The following RECQL4 variants were observed in gnomAD, a reference collection of about 807,000 sequenced individuals.
The protein encoded by RECQL4 is RecQ like helicase 4.
Under a neutral mutation model 128.6 loss-of-function variants are expected in RECQL4, and 158 were observed. The observed-to-expected ratio is 1.23, with a 90% CI of 1.08 to 1.40. The LOEUF (loss-of-function observed/expected upper bound fraction) is 1.40. RECQL4 is among the 40% of genes most tolerant of loss of function. The pLI, the probability that RECQL4 is intolerant of heterozygous loss-of-function variation, is 0.00. For synonymous variants in RECQL4, 996 were observed against 678.9 expected, an observed-to-expected ratio of 1.47 and a Z score of -7.26; for missense variants, 2,293 against 1,649.8, an observed-to-expected ratio of 1.39 and a Z score of -6.75.
rs116137512 is a variant in RECQL4, at chr8:144,516,654, G to A, written c.465C>T (p.Val155=). Residue 155 remains valine, a synonymous_variant, in exon 5 of 21, where the codon GTC becomes GTT. Coordinates refer to ENST00000617875, the MANE Select transcript of RECQL4 (RefSeq NM_004260.4). ...TGPVPSFAEK[V]SDEPPQLPEP... ...CAGGGAGCTGTGGAGGCTCATCACT[G>A]ACTTTTTCTGCAAAGGAGGGGACAG... is the stretch of plus-strand genomic sequence containing the variant. The A allele has an allele frequency of 5.6e-6, 9 of 1,603,284 alleles. No individual in the cohort carries two copies. The African/African-American group carries it at 6.7e-5, about 12-fold the overall frequency.
chr8:144,512,119 C>G (rs1240575819), intron 18 of RECQL4, 25 bp downstream of exon 18: 2 of 1,601,116 alleles, frequency 1.2e-6, no homozygotes, highest in African/African-American at 2.7e-5. Flanking sequence ...TGGATGGTCC[C>G]AGGCCCCGCC....
rs750502856 is a variant in RECQL4 at position 144,516,337 on chromosome 8, T to C, written c.782A>G (p.Lys261Arg). 1.9e-6 allele frequency: 3 copies of C among 1,609,946 alleles called. No homozygotes were observed. Among genetic ancestry groups the C allele is most frequent in the South Asian group, 2.2e-5 (2 of 90,932 alleles). The change falls in exon 5 of 21, where the codon AAG becomes AGG. Residue 261 changes from lysine to arginine, a missense_variant. Lys to Arg is a conservative substitution (Grantham distance 26, BLOSUM62 2). Coordinates refer to ENST00000617875, the MANE Select transcript of RECQL4 (RefSeq NM_004260.4). The stretch of plus-strand genomic sequence containing the variant: ...CCAGGGCTCCTCGTTCCATCTCCGC[T>C]TCTCGCCTCCACTGCTGCTGGGCTG... ...SPQPSSSGGE[K>R]RRWNEEPWES...
rs1235649082 is a variant in RECQL4, at chr8:144,514,510, G to A, written c.1636C>T (p.Pro546Ser). 2.5e-6 allele frequency: 4 copies of A among 1,611,658 alleles called. No individual in the cohort carries two copies. Among genetic ancestry groups the A allele is most frequent in the Non-Finnish European group, 3.4e-6 (4 of 1,179,418 alleles). Residue 546 changes from proline to serine, a missense_variant, in exon 10 of 21, where the codon CCG becomes TCG. Pro to Ser is a moderately conservative substitution (Grantham distance 74, BLOSUM62 -1). Transcript: ENST00000617875. ...TGTATGCAGGCCGCCTTGAGACACGGTGGCAGGCCAGACACCTGCAAATGC... is the reference window on the plus strand; with the variant it reads ...TGTATGCAGGCCGCCTTGAGACACGATGGCAGGCCAGACACCTGCAAATGC... ...LMDDQVSGLP[P>S]CLKAACIHSG...
rs747963862 is a variant in RECQL4 at position 144,516,541 on chromosome 8, C to A, written c.578G>T (p.Arg193Leu). 7 of 1,609,926 alleles carry A rather than the reference C, an allele frequency of 4.3e-6. No individual in the cohort carries two copies. Among genetic ancestry groups the A allele is most frequent in the Non-Finnish European group, 5.9e-6 (7 of 1,179,136 alleles). The change falls in exon 5 of 21, where the codon CGA becomes CTA. Residue 193 changes from arginine (R) to leucine (L), a missense_variant. By Grantham distance (102) the Arg-to-Leu change is moderately radical. Coordinates refer to ENST00000617875, the MANE Select transcript of RECQL4 (RefSeq NM_004260.4). ...LGSLDPGWLQ[R>L]CHSEVPDFLG... is the part of the protein sequence containing the mutation. Reference sequence around the variant, plus strand: ...AAAATCTGGGACCTCACTGTGACATCGCTGTAACCAGCCAGGATCTAGGGA... The same window carrying A: ...AAAATCTGGGACCTCACTGTGACATAGCTGTAACCAGCCAGGATCTAGGGA...
chr8:144,513,725 G>A lies in RECQL4; in HGVS notation c.2059-13C>T, dbSNP rs756647466. The A allele has an allele frequency of 3.9e-5, 60 of 1,547,846 alleles. No individual in the cohort carries two copies. Among genetic ancestry groups the A allele is most frequent in the African/African-American group, 8.2e-5 (6 of 72,768 alleles). ...GCGTCAACAGTGCCTGATGAGGAGC[G>A]GTTGGCGTGGGCAGTGGGGAGTGAG... On this transcript the variant is annotated splice_polypyrimidine_tract_variant and intron_variant, in intron 12 of 20. Coordinates refer to ENST00000617875, the MANE Select transcript of RECQL4 (RefSeq NM_004260.4).
chr8:144,515,534 C>T (rs1430951222), intron 6 of RECQL4, 77 bp from the exon 7 acceptor site: 22 of 1,600,070 alleles, frequency 1.4e-5, no homozygotes, highest in Non-Finnish European at 1.9e-5. Context: ...TCTCCTTCCC[C>T]CAAAGGGGGT....
In RECQL4 at chr8:144,512,401, G is replaced by A. The variant is rs1158975362; in HGVS notation, c.3046C>T (p.Pro1016Ser). The A allele has an allele frequency of 1.2e-6, 2 of 1,607,366 alleles. No homozygotes were observed. Among genetic ancestry groups the A allele is most frequent in the Non-Finnish European group, 1.7e-6 (2 of 1,176,288 alleles). The stretch of plus-strand genomic sequence containing the variant: ...GTGGGGAGAGGCGCACCTGTCCTGG[G>A]CTCGTGGTCCCACTGCAGCTGGCAG... ...ALCQLQWDHE[P>S]RTGVRRGTGV... The change falls in exon 17 of 21, where the codon CCC (proline) becomes TCC (serine). Residue 1016 changes from proline to serine, a missense_variant. Coordinates refer to ENST00000617875, the MANE Select transcript of RECQL4 (RefSeq NM_004260.4).
chr8:144,515,955 G>C, intron 5 of RECQL4, 33 bp downstream of exon 5: 1 of 1,611,796 alleles, frequency 6.2e-7, no homozygotes, highest in South Asian at 1.1e-5. Context: ...GGGAGGGAAA[G>C]GGAATGCCTG....
At position 144,513,158 on chromosome 8, in the gene RECQL4, A is replaced by AG. The variant is rs1564794001; in HGVS notation, c.2464-21dup. On this transcript the variant is annotated intron_variant, in intron 14 of 20. Transcript: ENST00000617875. ...TTCGCCCTGCAGGGCAACTTTCATGAGGGTGGGGTGGACCACTGGGGGCTC... is the reference window on the plus strand; with the variant it reads ...TTCGCCCTGCAGGGCAACTTTCATGAGGGGTGGGGTGGACCACTGGGGGCTC... The AG allele has an allele frequency of 4.9e-6, 6 of 1,231,722 alleles. No homozygotes were observed. Among genetic ancestry groups the AG allele is most frequent in the Non-Finnish European group, 1.0e-6 (1 of 963,458 alleles). 76.3% of individuals were successfully genotyped at this position (1,231,722 alleles called of 1,614,324 possible). A position where few individuals can be genotyped will look rare whatever the true frequency, so the allele number is the denominator to read the frequency against.
Position 144,516,770 on chromosome 8 carries a change from A to G in RECQL4, c.355-6T>C. On this transcript the variant is annotated splice_polypyrimidine_tract_variant and splice_region_variant and intron_variant, in intron 4 of 20. Coordinates refer to ENST00000617875, the MANE Select transcript of RECQL4 (RefSeq NM_004260.4). ...CGGCCCAGGGCTGGTCCGGCCTGGG[A>G]GGGGAACAACAGAACAGCAGGAGGA... The G allele has an allele frequency of 6.6e-7, 1 of 1,518,166 alleles. No individual in the cohort carries two copies. The highest frequency in any genetic ancestry group is 8.8e-7 in the Non-Finnish European group (1 of 1,137,318). 94.0% of individuals were successfully genotyped at this position (1,518,166 alleles called of 1,614,324 possible).
Position 144,513,088 on chromosome 8 carries a change from G to A in RECQL4, c.2514C>T (p.Asp838=), listed in dbSNP as rs771820219. 1.8e-5 allele frequency: 29 copies of A among 1,574,920 alleles called. No individual in the cohort carries two copies. The Admixed American group carries it at 3.9e-4, about 21-fold the overall frequency. ...LRRHVHADST[D]FLAVKRLVQR... is the part of the protein sequence containing the mutation. ...GTACCAGCCTCTTCACAGCCAGGAA[G>A]TCCGTGCTGTCGGCGTGCACATGTC... Residue 838 remains aspartate (D), a synonymous_variant, in exon 15 of 21, where the codon GAC becomes GAT. Coordinates refer to ENST00000617875, the MANE Select transcript of RECQL4 (RefSeq NM_004260.4).
In RECQL4 at chr8:144,513,278, G is replaced by A. The variant is rs778794472; in HGVS notation, c.2403C>T (p.Ala801=). ...LPPSFESYVQ[A]VGRAGRDGQP... ...GCCCGTCACGCCCGGCCCGGCCCACGGCCTGCACGTAGCTCTCGAAGCTTG... is the reference window on the plus strand; with the variant it reads ...GCCCGTCACGCCCGGCCCGGCCCACAGCCTGCACGTAGCTCTCGAAGCTTG... Residue 801 remains alanine, a synonymous_variant, in exon 14 of 21, where the codon GCC becomes GCT. Coordinates refer to ENST00000617875, the MANE Select transcript of RECQL4 (RefSeq NM_004260.4). The A allele has an allele frequency of 5.6e-6, 9 of 1,597,468 alleles. No individual in the cohort carries two copies. Among genetic ancestry groups the A allele is most frequent in the East Asian group, 2.2e-5 (1 of 44,772 alleles).
rs1586822076 is a variant in RECQL4, at chr8:144,516,121, G to C, written c.998C>G (p.Ala333Gly). ...SPSSQARAGK[A>G]EGTAPLHIFP... ...GATGTGCAGGGGGGCTGTGCCCTCA[G>C]CCTTCCCAGCCCTAGCTTGACTGGA... Residue 333 changes from alanine (A) to glycine (G), a missense_variant, in exon 5 of 21, where the codon GCT becomes GGT. Ala to Gly is a moderately conservative substitution (Grantham distance 60). Transcript: ENST00000617875. The C allele has an allele frequency of 6.2e-7, 1 of 1,612,928 alleles. No individual in the cohort carries two copies. Among genetic ancestry groups the C allele is most frequent in the African/African-American group, 1.3e-5 (1 of 74,940 alleles).
chr8:144,516,982 C>A (rs1313590561), intron 4 of RECQL4, 68 bp downstream of exon 4: 2 of 1,549,144 alleles, frequency 1.3e-6, no homozygotes, highest in East Asian at 4.5e-5. Context: ...GAAAAAATGA[C>A]AAGAGGGCGA....
rs1478522762 is a variant in RECQL4 at position 144,514,028 on chromosome 8, G to C, written c.1958C>G (p.Ala653Gly). 2 of 1,574,612 alleles carry C rather than the reference G, an allele frequency of 1.3e-6. No individual in the cohort carries two copies. The highest frequency in any genetic ancestry group is 8.6e-7 in the Non-Finnish European group (1 of 1,161,102). Residue 653 changes from alanine (A) to glycine (G), a missense_variant, in exon 12 of 21, where the codon GCA becomes GGA. Transcript: ENST00000617875. ...TATRRTASDV[A>G]QHLAVAEEPD... ...CTCTTCAGCCACAGCCAGGTGCTGT[G>C]CCACGTCACTGGCAGTGCGGCGTGT...
rs1827608208 is a variant in RECQL4, at chr8:144,513,297, A to G, written c.2384T>C (p.Phe795Ser). The G allele has an allele frequency of 1.2e-6, 2 of 1,600,088 alleles. No individual in the cohort carries two copies. Among genetic ancestry groups the G allele is most frequent in the Non-Finnish European group, 1.7e-6 (2 of 1,179,288 alleles). The change falls in exon 14 of 21, where the codon TTC becomes TCC. Residue 795 changes from phenylalanine to serine, a missense_variant. Coordinates refer to ENST00000617875, the MANE Select transcript of RECQL4 (RefSeq NM_004260.4). ...AVLHLGLPPS[F>S]ESYVQAVGRA... is the part of the protein sequence containing the mutation. ...GCCCACGGCCTGCACGTAGCTCTCG[A>G]AGCTTGGGGGCAGCCCCAGATGCAG...
chr8:144,517,365 C>T (rs764583662), intron 3 of RECQL4, 49 bp downstream of exon 3: 1 of 1,516,218 alleles, frequency 6.6e-7, no homozygotes, highest in South Asian at 1.2e-5. Flanking sequence ...TCCCGCCACT[C>T]CGCCAAACAG....
In RECQL4 at chr8:144,515,976, T is replaced by C. The variant is rs767404728; in HGVS notation, c.1131+12A>G. The C allele has an allele frequency of 4.3e-6, 7 of 1,610,590 alleles. No homozygotes were observed. The East Asian group carries it at 1.1e-4, about 26-fold the overall frequency. ...GAAAGGGAATGCCTGTCCTGGCCCG[T>C]CGCTGTCTTACCTGCTTGCGGAGGA... On this transcript the variant is annotated intron_variant, in intron 5 of 20. Coordinates refer to ENST00000617875, the MANE Select transcript of RECQL4 (RefSeq NM_004260.4).
At position 144,516,069 on chromosome 8, in the gene RECQL4, CCT is replaced by C. The variant is rs746636748; in HGVS notation, c.1048_1049del (p.Arg350GlyfsTer21). 198 of 1,612,658 alleles carry C rather than the reference CCT, an allele frequency of 1.2e-4. No homozygotes were observed. Among genetic ancestry groups the C allele is most frequent in the African/African-American group, 1.5e-4 (11 of 74,924 alleles). On this transcript the variant is annotated frameshift_variant, in exon 5 of 21. Coordinates refer to ENST00000617875, the MANE Select transcript of RECQL4 (RefSeq NM_004260.4). LOFTEE classifies it high-confidence loss of function. The part of the protein sequence containing the change: ...HIFPRLARHD[R>X]GNYVRLNMKQ... ...TCATGTTGAGCCGTACGTAATTGCC[CCT>C]GTCATGGCGGGCCAGCCGAGGGAAG...
Sources: gnomAD v4.1 joint callset for allele counts on GRCh38, gnomAD v4.1.1 for gene constraint, MANE v1.5 for transcripts, NCBI Gene and HGNC (gene_info 2026-07-23, HGNC 2026-07-21) for gene names.